RPH3A: variants seen among roughly 807,000 people sequenced by gnomAD.
RPH3A encodes rabphilin 3A.
A neutral mutation model predicts 102.2 loss-of-function variants in RPH3A; 48 were observed. The ratio of observed to expected loss-of-function variants is 0.47; its 90% CI spans 0.37 to 0.60. The LOEUF is 0.60. Ranked by LOEUF, RPH3A falls within the 20% of genes least tolerant of loss-of-function variation. RPH3A has a pLI of 0.00. For missense variants in RPH3A, 781 were observed against 910.1 expected (o/e 0.86, Z 1.83); for synonymous variants, 310 against 324.3 (o/e 0.96, Z 0.47).
chr12:112,592,732 A>T (rs905827486), intron 1 of RPH3A, among the ~76,000 whole-genome samples: 1 of 152,110 alleles, frequency 6.6e-6, no homozygotes, highest in Non-Finnish European at 1.5e-5. Flanking sequence ...TGCTGACTTG[A>T]GTGTGTGTCT....
intron 14 of RPH3A, 78 bp from the exon 15 acceptor site, chr12:112,881,694 G>A (rs1182823145): frequency 1.0e-6 from 1 of 986,226 alleles, no homozygotes; most frequent in Non-Finnish European, 1.5e-6. Context: ...CAGATGCCAG[G>A]GGCTATGCCC....
intron 2 of RPH3A, among the ~76,000 whole-genome samples, chr12:112,803,486 A>ATAT (rs138267182): frequency 0.022 from 3,242 of 150,340 alleles, 102 homozygotes; most frequent in African/African-American, 0.069. Context: ...TGGGAAGGAG[A>ATAT]TATTATTATT....
At chr12:112,870,693 A>G (rs1187367460) in intron 10 of RPH3A, among the ~76,000 whole-genome samples, 1 of 152,054 alleles carries the variant, frequency 6.6e-6, no homozygotes, top group Non-Finnish European at 1.5e-5. Flanking sequence ...CTGAATATTT[A>G]TGTCCCACAT....
At chr12:112,630,130 A>T (rs2039793706) in intron 1 of RPH3A, among the ~76,000 whole-genome samples, 1 of 151,962 alleles carries the variant, frequency 6.6e-6, no homozygotes, top group Non-Finnish European at 1.5e-5. Context: ...CCATCCATCC[A>T]TCTACCCATC....
chr12:112,831,812 C>G (rs771605515), intron 3 of RPH3A: 37 of 455,786 alleles, frequency 8.1e-5, no homozygotes, highest in Non-Finnish European at 1.5e-4. Flanking sequence ...GAGTCTTAAG[C>G]CAACAAATTG....
intron 1 of RPH3A, among the ~76,000 whole-genome samples, chr12:112,578,318 GTCAA>G (rs1232605765): frequency 1.3e-5 from 2 of 152,144 alleles, no homozygotes; most frequent in African/African-American, 4.8e-5. Context: ...AAGAGTATGA[GTCAA>G]TCAAAGGGTG....
intron 1 of RPH3A, among the ~76,000 whole-genome samples, chr12:112,655,940 G>C: frequency 6.6e-6 from 1 of 152,056 alleles, no homozygotes; most frequent in Non-Finnish European, 1.5e-5. Context: ...CTTTGTTCTT[G>C]TTCAAGATCA....
chr12:112,684,381 C>T lies in RPH3A; in HGVS notation c.-139-107762C>T, dbSNP rs530314817. ...TCAGGCGATTCTCCTGCCTCAGCCTCCTGAGTAGCTGGGATTACAGGTACC... is the reference window on the plus strand; with the variant it reads ...TCAGGCGATTCTCCTGCCTCAGCCTTCTGAGTAGCTGGGATTACAGGTACC... On this transcript the variant is annotated intron_variant, in intron 1 of 21. Transcript: ENST00000543106. 3.9e-5 allele frequency among the ~76,000 whole-genome samples: 6 copies of T among 152,222 alleles called. No individual in the cohort carries two copies. The East Asian group carries it at 1.2e-3, about 29-fold the overall frequency.
chr12:112,757,013 G>A (rs1011977891), intron 1 of RPH3A, among the ~76,000 whole-genome samples: 2 of 152,152 alleles, frequency 1.3e-5, no homozygotes, highest in African/African-American at 4.8e-5. Flanking sequence ...AAATGCGTAC[G>A]AGCCATGTGT....
In RPH3A at chr12:112,868,572, A is replaced by T; in HGVS notation, c.587A>T (p.His196Leu). ...GAACAGCCTGCTCCTGAGCCCAAGC[A>T]CCCTGCCCGGGCTCCAGCTCGAGGT... ...APEQPAPEPK[H>L]PARAPARGDS... Residue 196 changes from histidine (H) to leucine (L), a missense_variant, in exon 8 of 22, where the codon CAC becomes CTC. Around this residue, in one of 2 missense-constraint regions of RPH3A, gnomAD observed 730 missense variants for 810.0 expected, o/e 0.90. Transcript: ENST00000389385. 6.2e-7 allele frequency: 1 copy of T among 1,614,032 alleles called. No homozygotes were observed.
intron 1 of RPH3A, among the ~76,000 whole-genome samples, chr12:112,614,869 T>C (rs2135976555): frequency 6.6e-6 from 1 of 152,180 alleles, no homozygotes. Flanking sequence ...ACTGCAGTCT[T>C]GAACTCTTGG....
At chr12:112,689,540 A>G (rs1266082070) in intron 1 of RPH3A, among the ~76,000 whole-genome samples, 1 of 152,238 alleles carries the variant, frequency 6.6e-6, no homozygotes, top group Non-Finnish European at 1.5e-5. Flanking sequence ...TGGGCTTTTC[A>G]TAGGGACATT....
At position 112,646,466 on chromosome 12, in the gene RPH3A, G is replaced by A. The variant is rs532325409; in HGVS notation, c.-140+71147G>A. 2.0e-5 allele frequency among the ~76,000 whole-genome samples: 3 copies of A among 152,264 alleles called. No homozygotes were observed. The South Asian group carries it at 6.2e-4, about 32-fold the overall frequency. On this transcript the variant is annotated intron_variant, in intron 1 of 21. Transcript: ENST00000543106. Reference sequence around the variant, plus strand: ...CCTTTCTCTAAAAACCCTGGCAGACGTCCACTCACATCTCACAGGTTGTGG... The same window carrying A: ...CCTTTCTCTAAAAACCCTGGCAGACATCCACTCACATCTCACAGGTTGTGG...
chr12:112,703,323 T>C (rs1163228539), intron 1 of RPH3A, among the ~76,000 whole-genome samples: 2 of 152,182 alleles, frequency 1.3e-5, no homozygotes, highest in Non-Finnish European at 2.9e-5. Flanking sequence ...GAGGATGAAA[T>C]AATGAAAAGG....
At chr12:112,751,350 C>T (rs543065928) in intron 1 of RPH3A, among the ~76,000 whole-genome samples, 34 of 152,060 alleles carry the variant, frequency 2.2e-4, no homozygotes, top group African/African-American at 4.3e-4. Context: ...CAGACAGATC[C>T]GTCTTTTGTT....
chr12:112,825,995 G>A (rs997171713), intron 2 of RPH3A, among the ~76,000 whole-genome samples: 12 of 152,082 alleles, frequency 7.9e-5, no homozygotes, highest in African/African-American at 2.9e-4. Flanking sequence ...CTGTCACTCA[G>A]GTAAACGTGT....
chr12:112,705,799 C>T (rs1167376378), intron 1 of RPH3A, among the ~76,000 whole-genome samples: 1 of 151,992 alleles, frequency 6.6e-6, no homozygotes, highest in South Asian at 2.1e-4. Context: ...ATATTTCTTC[C>T]TTAACTGCTG....
At chr12:112,634,776 T>C (rs2039836640) in intron 1 of RPH3A, among the ~76,000 whole-genome samples, 1 of 152,132 alleles carries the variant, frequency 6.6e-6, no homozygotes, top group Non-Finnish European at 1.5e-5. Context: ...TCTTTTTCAA[T>C]CCTCCAGATG....
rs757546615 is a variant in RPH3A, at chr12:112,678,232, C to CGAAAGAAAGAAA, written c.-140+102976_-140+102987dup. Among the ~76,000 whole-genome samples the CGAAAGAAAGAAA allele has an allele frequency of 3.2e-4, 24 of 74,722 alleles. 1 individual carries two copies. In the East Asian group the frequency reaches 4.6e-3, roughly 14 times the overall value. The allele number at this position is 74,722 out of a possible 152,430, so 49.0% of individuals were successfully genotyped here. A position where few individuals can be genotyped will look rare whatever the true frequency, so the allele number is the denominator to read the frequency against. On this transcript the variant is annotated intron_variant, in intron 1 of 21. Transcript: ENST00000543106. ...CCTGGGCAACAGAGCAAGACCCTGTCGAAAGAAAGAAAGAAAGAAAGAAAG... is the reference window on the plus strand; with the variant it reads ...CCTGGGCAACAGAGCAAGACCCTGTCGAAAGAAAGAAAGAAAGAAAGAAAGAAAGAAAGAAAG...
Sources: allele counts gnomAD v4.1 joint callset (sites outside exome capture counted in the v4.1 genomes callset), GRCh38; gene constraint gnomAD v4.1.1; regional missense constraint gnomAD v4.1.1; transcripts MANE v1.5; gene names NCBI Gene and HGNC (gene_info 2026-07-23, HGNC 2026-07-21).